ANAPC10: variants seen among roughly 807,000 people sequenced by gnomAD.
The protein encoded by ANAPC10 is anaphase-promoting complex subunit 10.
Under a neutral mutation model 22.0 loss-of-function variants are expected in ANAPC10, and 12 were observed. The observed-to-expected ratio is 0.55, with a 90% CI of 0.35 to 0.88. The LOEUF (loss-of-function observed/expected upper bound fraction) is 0.88. ANAPC10 is among the 40% of genes least tolerant of loss of function. ANAPC10 has a pLI of 0.01. For missense variants in ANAPC10, 188 were observed against 220.9 expected (o/e 0.85, Z 0.94); for synonymous variants, 65 against 69.5 (o/e 0.94, Z 0.32).
chr4:145,086,787 G>A (rs1395034420), intron 2 of ANAPC10, among the ~76,000 whole-genome samples: 3 of 148,354 alleles, frequency 2.0e-5, no homozygotes, highest in African/African-American at 5.0e-5. Flanking sequence ...CATGTCCCCA[G>A]TAATCACAAC....
At position 145,087,316 on chromosome 4, in the gene ANAPC10, A is replaced by G. The variant is rs1188001005; in HGVS notation, c.116-5566T>C. ...TAAAACAGTCATTTTCCTTTCAAGC[A>G]TATCTATTAACACAACTACTTTCAC... is the stretch of plus-strand genomic sequence containing the variant. On this transcript the variant is annotated intron_variant, in intron 2 of 4. Coordinates refer to ENST00000507656, the MANE Select transcript of ANAPC10 (RefSeq NM_001256706.2). Among the ~76,000 whole-genome samples the G allele has an allele frequency of 7.9e-5, 12 of 152,280 alleles. No homozygotes were observed. The East Asian group carries it at 2.1e-3, about 27-fold the overall frequency.
chr4:145,026,920 CATATATATAT>C (rs150548781), intron 4 of ANAPC10, among the ~76,000 whole-genome samples: 29 of 17,040 alleles, frequency 1.7e-3, no homozygotes, highest in African/African-American at 3.6e-3. Context: ...CCTATACATA[CATATATATAT>C]ATATATATAT....
At chr4:145,097,256 C>A in intron 1 of ANAPC10, 1 of 353,754 alleles carries the variant, frequency 2.8e-6, no homozygotes, top group Non-Finnish European at 5.5e-6. Context: ...TATGCTCTTA[C>A]CATAGAAGAT....
At chr4:145,078,823 T>C (rs1745554115) in intron 3 of ANAPC10, among the ~76,000 whole-genome samples, 1 of 152,138 alleles carries the variant, frequency 6.6e-6, no homozygotes, top group Admixed American at 6.5e-5. Flanking sequence ...TGGCTAGCCA[T>C]ACGCAGAAGA....
At chr4:145,094,401 A>G (rs1748173655) in intron 2 of ANAPC10, among the ~76,000 whole-genome samples, 1 of 152,198 alleles carries the variant, frequency 6.6e-6, no homozygotes, top group African/African-American at 2.4e-5. Context: ...ATTCGATTAT[A>G]ATGCTGCTTA....
At chr4:145,044,757 GCTAA>G (rs1242080697) in intron 4 of ANAPC10, among the ~76,000 whole-genome samples, 1 of 151,908 alleles carries the variant, frequency 6.6e-6, no homozygotes, top group Non-Finnish European at 1.5e-5. Context: ...GACAATACTG[GCTAA>G]CTAATGGGCT....
intron 4 of ANAPC10, among the ~76,000 whole-genome samples, chr4:145,009,029 T>C (rs945214923): frequency 2.0e-5 from 3 of 152,096 alleles, no homozygotes; most frequent in African/African-American, 7.3e-5. Context: ...ATCACAAGTA[T>C]TCCTATACAC....
intron 4 of ANAPC10, among the ~76,000 whole-genome samples, chr4:144,998,743 C>A (rs1044804245): frequency 1.3e-5 from 2 of 151,960 alleles, no homozygotes; most frequent in Non-Finnish European, 2.9e-5. Flanking sequence ...CAAAAGCCAG[C>A]AGAAGGCAAA....
At chr4:145,033,758 G>A (rs193268855) in intron 4 of ANAPC10, among the ~76,000 whole-genome samples, 1 of 152,292 alleles carries the variant, frequency 6.6e-6, no homozygotes, top group Admixed American at 6.5e-5. Flanking sequence ...AATACAGAAC[G>A]GGTAGTAGAA....
intron 4 of ANAPC10, among the ~76,000 whole-genome samples, chr4:145,054,257 G>A (rs936499909): frequency 2.7e-5 from 4 of 150,078 alleles, no homozygotes; most frequent in Admixed American, 6.6e-5. Context: ...AAATATTTAC[G>A]CAAAATTTAC....
intron 4 of ANAPC10, among the ~76,000 whole-genome samples, chr4:145,039,315 C>T (rs2162090): frequency 0.018 from 2,764 of 152,266 alleles, 94 homozygotes; most frequent in African/African-American, 0.063. Context: ...GAATAAGATG[C>T]ACAATTCTGA....
chr4:145,010,026 A>C (rs1430296323), intron 4 of ANAPC10, among the ~76,000 whole-genome samples: 1 of 152,186 alleles, frequency 6.6e-6, no homozygotes, highest in Non-Finnish European at 1.5e-5. Flanking sequence ...ATGAACAGAC[A>C]CTTCTCAAAA....
At chr4:145,058,052 G>A (rs778255473) in intron 4 of ANAPC10, among the ~76,000 whole-genome samples, 1 of 152,116 alleles carries the variant, frequency 6.6e-6, no homozygotes, top group Non-Finnish European at 1.5e-5. Context: ...CTGCCATTAC[G>A]TACAATCTGA....
chr4:145,033,296 T>G (rs1452416516), intron 4 of ANAPC10: 1 of 155,036 alleles, frequency 6.5e-6, no homozygotes. Flanking sequence ...ACTGGCAACA[T>G]TTTTGCTTCC....
intron 4 of ANAPC10, among the ~76,000 whole-genome samples, chr4:145,018,387 G>A (rs1290521763): frequency 6.6e-6 from 1 of 151,810 alleles, no homozygotes; most frequent in Non-Finnish European, 1.5e-5. Flanking sequence ...TAATCCCAAG[G>A]CTTTGGGAGG....
intron 4 of ANAPC10, chr4:144,999,143 A>C (rs1232205849): frequency 1.3e-5 from 2 of 152,214 alleles, no homozygotes; most frequent in East Asian, 3.9e-4. Context: ...CAACCAAAAC[A>C]AGTCTAGGAC....
intron 3 of ANAPC10, among the ~76,000 whole-genome samples, chr4:145,073,822 A>G (rs188835818): frequency 6.6e-6 from 1 of 152,066 alleles, no homozygotes; most frequent in Non-Finnish European, 1.5e-5. Flanking sequence ...TAATATAATT[A>G]AAAATGTTGT....
intron 4 of ANAPC10, among the ~76,000 whole-genome samples, chr4:145,017,713 A>G (rs1735392738): frequency 6.6e-6 from 1 of 152,166 alleles, no homozygotes; most frequent in South Asian, 2.1e-4. Flanking sequence ...AAGACTTGGA[A>G]CCAACCCAAA....
chr4:145,024,172 T>C (rs1363747293), intron 4 of ANAPC10, among the ~76,000 whole-genome samples: 1 of 152,228 alleles, frequency 6.6e-6, no homozygotes, highest in Non-Finnish European at 1.5e-5. Flanking sequence ...ATTCTAATTC[T>C]AGTTCTCTTG....
Sources: gnomAD v4.1 joint callset for allele counts (sites outside exome capture counted in the v4.1 genomes callset) on GRCh38, gnomAD v4.1.1 for gene constraint, MANE v1.5 for transcripts, NCBI Gene and HGNC (gene_info 2026-07-23, HGNC 2026-07-21) for gene names.